Variants in CATSPER3 observed in about 807,000 individuals in gnomAD.
The protein encoded by CATSPER3 is cation channel sperm-associated protein 3.
Under a neutral mutation model 36.6 loss-of-function variants are expected in CATSPER3, and 23 were observed. The ratio of observed to expected loss-of-function variants is 0.63; its 90% CI spans 0.45 to 0.89. The LOEUF (loss-of-function observed/expected upper bound fraction) is 0.89, where lower values mean the gene tolerates loss of function less well. Ranked by LOEUF, CATSPER3 falls within the 40% of genes least tolerant of loss-of-function variation. The pLI is 0.00. For synonymous variants in CATSPER3, 172 were observed against 184.1 expected (o/e 0.93, Z 0.53); for missense variants, 474 against 503.9 (o/e 0.94, Z 0.57).
Position 134,970,089 on chromosome 5 carries a change from T to A in CATSPER3, c.249T>A (p.Leu83=), listed in dbSNP as rs1751583946. 6.2e-7 allele frequency: 1 copy of A among 1,613,974 alleles called. No individual in the cohort carries two copies. Among genetic ancestry groups the A allele is most frequent in the Non-Finnish European group, 8.5e-7 (1 of 1,179,960 alleles). ...TAAGGTACCGCTTGTTCAGACTTCT[T>A]GAGGTAAGCAGACAAAATGGGTCCA... The part of the protein sequence containing the change: ...YDIRYRLFRL[L]EFSEIFFVSI... Residue 83 remains leucine, a synonymous_variant, in exon 2 of 8, where the codon CTT becomes CTA. Coordinates refer to ENST00000282611, the MANE Select transcript of CATSPER3 (RefSeq NM_178019.3).
rs768696870 is a variant in CATSPER3, at chr5:135,007,982, C to T, written c.518C>T (p.Thr173Ile). ...ACGCTGATCACCGCCGTGGGGCAGACAGTCTACACCGTGGCCTCTGTGCTC... is the reference window on the plus strand; with the variant it reads ...ACGCTGATCACCGCCGTGGGGCAGATAGTCTACACCGTGGCCTCTGTGCTC... ...IRTLITAVGQ[T>I]VYTVASVLLL... Residue 173 changes from threonine to isoleucine, a missense_variant, in exon 4 of 8, where the codon ACA becomes ATA. Coordinates refer to ENST00000282611, the MANE Select transcript of CATSPER3 (RefSeq NM_178019.3). 8 of 1,614,000 alleles carry T rather than the reference C, an allele frequency of 5.0e-6. No homozygotes were observed. The highest frequency in any genetic ancestry group is 1.3e-5 in the African/African-American group (1 of 74,922).
intron 2 of CATSPER3, among the ~76,000 whole-genome samples, chr5:134,994,106 C>G (rs769711592): frequency 1.2e-4 from 18 of 152,104 alleles, no homozygotes; most frequent in Non-Finnish European, 2.4e-4. Context: ...GCCTGGGTGA[C>G]AGATTGAGAC....
chr5:134,968,716 AAG>A (rs893089359), intron 1 of CATSPER3: 2 of 152,048 alleles, frequency 1.3e-5, no homozygotes, highest in African/African-American at 4.8e-5. Flanking sequence ...GAAAAGGAAA[AAG>A]AAAAATATAT....
At chr5:135,009,826 C>T (rs1323503390) in intron 6 of CATSPER3, among the ~76,000 whole-genome samples, 1 of 152,182 alleles carries the variant, frequency 6.6e-6, no homozygotes, top group Non-Finnish European at 1.5e-5. Flanking sequence ...CAGCCATGGC[C>T]CCAGGCCACT....
intron 2 of CATSPER3, among the ~76,000 whole-genome samples, chr5:134,983,621 A>C (rs889898519): frequency 1.3e-5 from 2 of 152,232 alleles, no homozygotes; most frequent in African/African-American, 4.8e-5. Context: ...AAACCAAAAG[A>C]TAGCTGGGGT....
chr5:135,002,362 G>T (rs58828766), intron 3 of CATSPER3, among the ~76,000 whole-genome samples: 18,020 of 152,176 alleles, frequency 0.12, 3,429 homozygotes, highest in African/African-American at 0.4. Flanking sequence ...CCCTTTGTGG[G>T]TAACCCGACC....
At position 134,996,192 on chromosome 5, in the gene CATSPER3, C is replaced by T. The variant is rs549187634; in HGVS notation, c.253-81C>T. 102 of 1,588,906 alleles carry T rather than the reference C, an allele frequency of 6.4e-5. No homozygotes were observed. In the East Asian group the frequency reaches 8.9e-4, roughly 14 times the overall value. ...GTGGGTGACTTAGGAGCACCCCTTC[C>T]GGGGCTCACGCAGGGAGCAGGCCAG... On this transcript the variant is annotated intron_variant, in intron 2 of 7. Transcript: ENST00000282611.
chr5:134,970,561 A>G (rs1351705937), intron 2 of CATSPER3, among the ~76,000 whole-genome samples: 2 of 145,196 alleles, frequency 1.4e-5, no homozygotes, highest in African/African-American at 5.1e-5. Context: ...CAGTGGTGAC[A>G]TGGTGGATTT....
intron 2 of CATSPER3, among the ~76,000 whole-genome samples, chr5:134,993,916 G>C (rs1751913164): frequency 6.6e-6 from 1 of 152,190 alleles, no homozygotes; most frequent in Admixed American, 6.5e-5. Context: ...CGTGAGATCA[G>C]GAGTTCGAGA....
At chr5:134,990,741 T>A (rs1286242197) in intron 2 of CATSPER3, among the ~76,000 whole-genome samples, 1 of 152,200 alleles carries the variant, frequency 6.6e-6, no homozygotes, top group Admixed American at 6.5e-5. Flanking sequence ...AAAGTTAAAT[T>A]TGTGAAAAAC....
rs538097339 is a variant in CATSPER3 at position 134,988,768 on chromosome 5, C to T, written c.253-7505C>T. Among the ~76,000 whole-genome samples, 5 of 152,224 alleles carry T rather than the reference C, an allele frequency of 3.3e-5. No homozygotes were observed. In the East Asian group the frequency reaches 7.7e-4, roughly 24 times the overall value. The stretch of plus-strand genomic sequence containing the variant: ...CATCCACGAGGGTTGGAATCAACCT[C>T]TTCCAAATTCCTGTTCATGTTGATA... On this transcript the variant is annotated intron_variant, in intron 2 of 7. Transcript: ENST00000282611.
intron 2 of CATSPER3, among the ~76,000 whole-genome samples, chr5:134,988,543 T>G (rs1751837916): frequency 6.6e-6 from 1 of 152,236 alleles, no homozygotes; most frequent in African/African-American, 2.4e-5. Context: ...TCATAGCATC[T>G]TCGCCAGGCG....
rs1751583136 is a variant in CATSPER3, at chr5:134,970,060, G to A, written c.220G>A (p.Asp74Asn). The A allele has an allele frequency of 1.9e-6, 3 of 1,614,006 alleles. No homozygotes were observed. Among genetic ancestry groups the A allele is most frequent in the Non-Finnish European group, 2.5e-6 (3 of 1,179,978 alleles). Residue 74 changes from aspartate to asparagine, a missense_variant, in exon 2 of 8, where the codon GAC becomes AAC. Transcript: ENST00000282611. ...TTTTATGGCCTTGTGGACCAGTTATGACATAAGGTACCGCTTGTTCAGACT... is the reference window on the plus strand; with the variant it reads ...TTTTATGGCCTTGTGGACCAGTTATAACATAAGGTACCGCTTGTTCAGACT... ...AFFMALWTSY[D>N]IRYRLFRLLE...
chr5:134,970,997 T>C (rs1751598774), intron 2 of CATSPER3, among the ~76,000 whole-genome samples: 1 of 152,022 alleles, frequency 6.6e-6, no homozygotes, highest in African/African-American at 2.4e-5. Context: ...TCACCCAGGC[T>C]GGAGTGCAGT....
intron 2 of CATSPER3, among the ~76,000 whole-genome samples, chr5:134,970,623 G>A (rs1312458639): frequency 7.0e-6 from 1 of 142,890 alleles, no homozygotes; most frequent in African/African-American, 2.6e-5. Flanking sequence ...CCAACCTGCA[G>A]TGCAATGGTG....
intron 2 of CATSPER3, among the ~76,000 whole-genome samples, chr5:134,993,268 A>C (rs1332559817): frequency 6.6e-6 from 1 of 152,222 alleles, no homozygotes; most frequent in Non-Finnish European, 1.5e-5. Flanking sequence ...AATTCATACC[A>C]TCAGAGAGTA....
rs1251992372 is a variant in CATSPER3, at chr5:134,996,509, C to G, written c.489C>G (p.Ile163Met). 4 of 1,614,020 alleles carry G rather than the reference C, an allele frequency of 2.5e-6. No homozygotes were observed. Among genetic ancestry groups the G allele is most frequent in the Non-Finnish European group, 3.4e-6 (4 of 1,180,016 alleles). Residue 163 changes from isoleucine to methionine, a missense_variant, in exon 3 of 8, where the codon ATC becomes ATG. Transcript: ENST00000282611. The stretch of plus-strand genomic sequence containing the variant: ...AGCTTATCGGCTATAGCCAGGGCAT[C>G]CGGGTGAGTGCACTGGGGGTGTCAT... ...ILKLIGYSQGIRTLITAVGQT... is the reference protein window; with the variant it reads ...ILKLIGYSQGMRTLITAVGQT...
chr5:134,994,698 C>T (rs951077876), intron 2 of CATSPER3, among the ~76,000 whole-genome samples: 4 of 152,220 alleles, frequency 2.6e-5, no homozygotes, highest in Admixed American at 2.6e-4. Context: ...CCTCACCAGG[C>T]CTACAAGGCA....
At chr5:135,005,324 C>T (rs1752072911) in intron 3 of CATSPER3, among the ~76,000 whole-genome samples, 1 of 152,172 alleles carries the variant, frequency 6.6e-6, no homozygotes, top group Non-Finnish European at 1.5e-5. Context: ...GCAGAGGCAA[C>T]AGGCACACAC....
Sources: gnomAD v4.1 joint callset for allele counts (sites outside exome capture counted in the v4.1 genomes callset) on GRCh38, gnomAD v4.1.1 for gene constraint, MANE v1.5 for transcripts, NCBI Gene and HGNC (gene_info 2026-07-23, HGNC 2026-07-21) for gene names.